Variants in PCBD2 observed in about 807,000 individuals in gnomAD.
The protein encoded by PCBD2 is pterin-4-alpha-carbinolamine dehydratase 2.
In PCBD2, 12 loss-of-function variants were observed where a neutral mutation model predicts 16.4. The observed-to-expected ratio is 0.73, with a 90% CI of 0.47 to 1.19. The LOEUF (loss-of-function observed/expected upper bound fraction) is 1.19, where lower values mean the gene tolerates loss of function less well. Among genes scored for constraint, PCBD2 ranks in the 50% most tolerant of loss-of-function variants. PCBD2 has a pLI of 0.00. For missense variants in PCBD2, 138 were observed against 156.8 expected (o/e 0.88, Z 0.64); for synonymous variants, 58 against 61.8 (o/e 0.94, Z 0.29).
chr5:134,924,383 G>T, intron 2 of PCBD2: 1 of 396,842 alleles, frequency 2.5e-6, no homozygotes, highest in Non-Finnish European at 4.4e-6. Flanking sequence ...CAGGGGTTGA[G>T]GTCTTGGTAA....
intron 1 of PCBD2, among the ~76,000 whole-genome samples, chr5:134,906,294 C>G (rs866233032): frequency 6.7e-5 from 10 of 148,352 alleles, no homozygotes; most frequent in South Asian, 6.3e-4. Context: ...AGCTCCGCCT[C>G]CCGGGTTCAC....
intron 3 of PCBD2, 85 bp downstream of exon 3, chr5:134,959,205 T>C: frequency 9.9e-7 from 1 of 1,005,500 alleles, no homozygotes. Context: ...TGCAGCTAAA[T>C]GTCATTGTAC....
chr5:134,958,817 T>G (rs973769951), intron 2 of PCBD2, among the ~76,000 whole-genome samples: 8 of 152,180 alleles, frequency 5.3e-5, no homozygotes, highest in African/African-American at 1.9e-4. Context: ...TTTCCTGGTT[T>G]GTTTACTCGA....
chr5:134,945,111 G>A (rs1751276238), intron 2 of PCBD2, among the ~76,000 whole-genome samples: 5 of 152,174 alleles, frequency 3.3e-5, no homozygotes, highest in Admixed American at 3.3e-4. Flanking sequence ...TTTGCATAAG[G>A]TATGAAATAA....
At chr5:134,907,269 G>T (rs763545064) in intron 1 of PCBD2, among the ~76,000 whole-genome samples, 3 of 152,096 alleles carry the variant, frequency 2.0e-5, no homozygotes, top group African/African-American at 7.2e-5. Context: ...TTTTGAGACG[G>T]AGTCTCGCTC....
chr5:134,909,170 T>A (rs566174791), intron 1 of PCBD2, among the ~76,000 whole-genome samples: 1 of 152,338 alleles, frequency 6.6e-6, no homozygotes, highest in East Asian at 1.9e-4. Context: ...GTGAATGTCA[T>A]CCCCAGGATG....
intron 2 of PCBD2, among the ~76,000 whole-genome samples, chr5:134,955,305 A>G (rs1054891478): frequency 6.7e-6 from 1 of 149,732 alleles, no homozygotes; most frequent in Non-Finnish European, 1.5e-5. Flanking sequence ...AAATAGCAAC[A>G]ATGGTTTTTT....
intron 2 of PCBD2, among the ~76,000 whole-genome samples, chr5:134,947,867 A>G (rs1378538630): frequency 6.6e-6 from 1 of 152,102 alleles, no homozygotes; most frequent in Non-Finnish European, 1.5e-5. Context: ...GATTGCTAAA[A>G]CAAAACTAAC....
At chr5:134,939,549 G>A (rs1259430525) in intron 2 of PCBD2, among the ~76,000 whole-genome samples, 1 of 152,086 alleles carries the variant, frequency 6.6e-6, no homozygotes, top group Non-Finnish European at 1.5e-5. Flanking sequence ...AAAATCCTGT[G>A]TAGCATCTAC....
chr5:134,960,248 G>C (rs1751460285), intron 3 of PCBD2, among the ~76,000 whole-genome samples: 1 of 152,078 alleles, frequency 6.6e-6, no homozygotes, highest in South Asian at 2.1e-4. Context: ...GAAAATAGTT[G>C]ATGTAATTAA....
At chr5:134,954,950 C>T (rs1751398054) in intron 2 of PCBD2, among the ~76,000 whole-genome samples, 2 of 151,928 alleles carry the variant, frequency 1.3e-5, no homozygotes, top group Non-Finnish European at 2.9e-5. Flanking sequence ...CCATGTTGGC[C>T]AGGCTGGTCT....
intron 2 of PCBD2, among the ~76,000 whole-genome samples, chr5:134,946,640 G>A (rs1751298691): frequency 6.6e-6 from 1 of 152,188 alleles, no homozygotes; most frequent in South Asian, 2.1e-4. Flanking sequence ...GATATTTTGT[G>A]ATGTGAAATG....
intron 2 of PCBD2, among the ~76,000 whole-genome samples, chr5:134,931,533 G>A (rs1751095724): frequency 6.6e-6 from 1 of 152,166 alleles, no homozygotes; most frequent in South Asian, 2.1e-4. Context: ...CTAAGGTTAG[G>A]TGTTCGTATT....
Position 134,960,633 on chromosome 5 carries a change from AG to A in PCBD2, c.346del (p.Asp116MetfsTer2), listed in dbSNP as rs1387408248. 1 of 1,613,698 alleles carries A rather than the reference AG, an allele frequency of 6.2e-7. No individual in the cohort carries two copies. Among genetic ancestry groups the A allele is most frequent in the Non-Finnish European group, 8.5e-7 (1 of 1,179,704 alleles). ...ATGACTGTGGTGAACTGACCAAAAA[AG>A]ATGTGAAGCTGGCCAAGTTTATTGA... ...SHDCGELTKK[D>X]VKLAKFIEKA... On this transcript the variant is annotated frameshift_variant, in exon 4 of 4. Transcript: ENST00000254908. LOFTEE classifies it high-confidence loss of function.
intron 2 of PCBD2, among the ~76,000 whole-genome samples, chr5:134,912,165 T>TC (rs1750775680): frequency 6.6e-6 from 1 of 152,150 alleles, no homozygotes; most frequent in Non-Finnish European, 1.5e-5. Flanking sequence ...ACTTTTTTTT[T>TC]CCCATTCACC....
intron 2 of PCBD2, among the ~76,000 whole-genome samples, chr5:134,912,987 G>T (rs941475505): frequency 6.6e-6 from 1 of 152,060 alleles, no homozygotes; most frequent in Non-Finnish European, 1.5e-5. Context: ...ATTTCCAATC[G>T]CAACTACTTT....
rs776092794 is a variant in PCBD2, at chr5:134,943,346, G to A, written c.217-15694G>A. Among the ~76,000 whole-genome samples, 74 of 152,234 alleles carry A rather than the reference G, an allele frequency of 4.9e-4. 1 individual carries two copies. The highest frequency in any genetic ancestry group is 1.3e-3 in the Admixed American group (20 of 15,280). On this transcript the variant is annotated intron_variant, in intron 2 of 3. Coordinates refer to ENST00000254908, the MANE Select transcript of PCBD2 (RefSeq NM_032151.5). ...GGTATACATAAGGTGCAAAGATCAC[G>A]GAAACATGAATTAGCAAGTGGGGCC...
intron 2 of PCBD2, among the ~76,000 whole-genome samples, chr5:134,952,807 TAAA>T (rs565332391): frequency 1.4e-5 from 2 of 139,554 alleles, no homozygotes; most frequent in African/African-American, 2.6e-5. Context: ...CCCTGTCTCT[TAAA>T]AAAAAAAAAA....
chr5:134,950,805 A>G (rs1428598627), intron 2 of PCBD2, among the ~76,000 whole-genome samples: 1 of 152,204 alleles, frequency 6.6e-6, no homozygotes, highest in African/African-American at 2.4e-5. Context: ...GACTGAAACT[A>G]TTATCAGCCA....
Sources: gnomAD v4.1 joint callset for allele counts (sites outside exome capture counted in the v4.1 genomes callset) on GRCh38, gnomAD v4.1.1 for gene constraint, MANE v1.5 for transcripts, NCBI Gene and HGNC (gene_info 2026-07-23, HGNC 2026-07-21) for gene names.